STOML3: variants seen among roughly 807,000 people sequenced by gnomAD.
The protein encoded by STOML3 is stomatin like 3.
STOML3 carries 31 observed loss-of-function variants against 29.5 expected under a neutral mutation model. That is an observed-to-expected ratio of 1.05 (90% CI 0.79 to 1.42). The LOEUF is 1.42. Ranked by LOEUF, STOML3 falls within the 40% of genes most tolerant of loss-of-function variation. The pLI is 0.00. For synonymous variants in STOML3, 122 were observed against 139.8 expected, an observed-to-expected ratio of 0.87 and a Z score of 0.90; for missense variants, 380 against 363.0, an observed-to-expected ratio of 1.05 and a Z score of -0.38.
At position 38,966,786 on chromosome 13, in the gene STOML3, A is replaced by T. The variant is rs772932289; in HGVS notation, c.*39T>A. On this transcript the variant is annotated 3_prime_UTR_variant, in exon 7 of 7. Transcript: ENST00000379631. ...TACTGGCTTCTCCATAGGAATAGAC[A>T]CCACTCTCTATGCAATAGCTGACTA... 6.4e-7 allele frequency: 1 copy of T among 1,550,554 alleles called. No homozygotes were observed. Among genetic ancestry groups the T allele is most frequent in the South Asian group, 1.1e-5 (1 of 89,414 alleles).
chr13:38,988,166 T>A (rs1164846369), intron 1 of STOML3, among the ~76,000 whole-genome samples: 1 of 92,552 alleles, frequency 1.1e-5, no homozygotes, highest in Non-Finnish European at 1.8e-5. Context: ...ATTTTATATA[T>A]AATATATTAT....
chr13:38,966,804 G>T lies in STOML3; in HGVS notation c.*21C>A, dbSNP rs1411685840. The T allele has an allele frequency of 6.2e-7, 1 of 1,601,908 alleles. No homozygotes were observed. ...AATAGACACCACTCTCTATGCAATA[G>T]CTGACTACCGCAAGAGGACCTCAGG... is the stretch of plus-strand genomic sequence containing the variant. On this transcript the variant is annotated 3_prime_UTR_variant, in exon 7 of 7. Transcript: ENST00000379631.
At chr13:38,978,670 A>G (rs1043689082) in intron 1 of STOML3, among the ~76,000 whole-genome samples, 5 of 152,194 alleles carry the variant, frequency 3.3e-5, no homozygotes, top group African/African-American at 4.8e-5. Flanking sequence ...TAGGCAGGTC[A>G]TCATTGCCTC....
chr13:38,967,101 A>T, intron 6 of STOML3, 52 bp from the exon 7 acceptor site: 1 of 1,529,382 alleles, frequency 6.5e-7, no homozygotes, highest in Non-Finnish European at 8.9e-7. Context: ...CACTATAACT[A>T]GTTCTTTCTT....
chr13:38,975,393 G>T (rs577756857), intron 3 of STOML3, among the ~76,000 whole-genome samples: 7 of 151,852 alleles, frequency 4.6e-5, no homozygotes, highest in Admixed American at 1.3e-4. Context: ...TCCTCTTGAA[G>T]TTTCCCATAA....
intron 1 of STOML3, among the ~76,000 whole-genome samples, chr13:38,982,308 T>C (rs1341716965): frequency 2.6e-5 from 4 of 152,060 alleles, no homozygotes; most frequent in Non-Finnish European, 5.9e-5. Flanking sequence ...AAATTCTTTT[T>C]TCTTTGTTTT....
rs1880659247 is a variant in STOML3 at position 38,966,731 on chromosome 13, AAC to A, written c.*92_*93del. ...CCATCTATGGAGTTACTGTTACATGAACAGTGTTGGAATTCTCACCGTTTCTA... is the reference window on the plus strand; with the variant it reads ...CCATCTATGGAGTTACTGTTACATGAAGTGTTGGAATTCTCACCGTTTCTA... On this transcript the variant is annotated 3_prime_UTR_variant, in exon 7 of 7. Coordinates refer to ENST00000379631, the MANE Select transcript of STOML3 (RefSeq NM_145286.3). 5.8e-6 allele frequency: 6 copies of A among 1,027,100 alleles called. No individual in the cohort carries two copies. The highest frequency in any genetic ancestry group is 8.9e-6 in the Non-Finnish European group (6 of 673,124). The allele number at this position is 1,027,100 out of a possible 1,614,324, so 63.6% of individuals were successfully genotyped here.
chr13:38,980,507 T>C (rs529769886), intron 1 of STOML3, among the ~76,000 whole-genome samples: 18 of 152,322 alleles, frequency 1.2e-4, no homozygotes, highest in African/African-American at 4.1e-4. Context: ...ATCGCCCTAC[T>C]TCAAGCTATA....
At chr13:38,979,082 T>C (rs1881187788) in intron 1 of STOML3, among the ~76,000 whole-genome samples, 1 of 152,214 alleles carries the variant, frequency 6.6e-6, no homozygotes, top group Admixed American at 6.5e-5. Flanking sequence ...ATACATATTT[T>C]GTATTAAAAC....
intron 1 of STOML3, among the ~76,000 whole-genome samples, chr13:38,982,673 G>A (rs1156295572): frequency 6.6e-6 from 1 of 152,088 alleles, no homozygotes; most frequent in Non-Finnish European, 1.5e-5. Flanking sequence ...TGGGTACTGG[G>A]TCACAAAAAC....
At chr13:38,990,162 A>G (rs1868944514) in intron 1 of STOML3, among the ~76,000 whole-genome samples, 1 of 152,164 alleles carries the variant, frequency 6.6e-6, no homozygotes, top group African/African-American at 2.4e-5. Context: ...ACTTCTCTCC[A>G]TTTATCAAAC....
At chr13:38,986,485 G>T (rs144430491) in intron 1 of STOML3, among the ~76,000 whole-genome samples, 2 of 152,138 alleles carry the variant, frequency 1.3e-5, no homozygotes, top group East Asian at 3.8e-4. Context: ...CCTTTCCTGA[G>T]CTTGGGGATG....
At chr13:38,967,408 A>G (rs1458247139) in intron 6 of STOML3, among the ~76,000 whole-genome samples, 1 of 152,220 alleles carries the variant, frequency 6.6e-6, no homozygotes, top group African/African-American at 2.4e-5. Flanking sequence ...TCTGAAATTT[A>G]AGGCCTCTAA....
chr13:38,988,110 ATATATTTTATATAT>A (rs1281543534), intron 1 of STOML3, among the ~76,000 whole-genome samples: 3 of 99,494 alleles, frequency 3.0e-5, no homozygotes, highest in Non-Finnish European at 5.2e-5. Context: ...ATTTTATATC[ATATATTTTATATAT>A]TATATTTTAT....
Position 38,966,756 on chromosome 13 carries a change from C to A in STOML3, c.*69G>T. The stretch of plus-strand genomic sequence containing the variant: ...AACAGTGTTGGAATTCTCACCGTTT[C>A]TAACTACTGGCTTCTCCATAGGAAT... On this transcript the variant is annotated 3_prime_UTR_variant, in exon 7 of 7. Coordinates refer to ENST00000379631, the MANE Select transcript of STOML3 (RefSeq NM_145286.3). The A allele has an allele frequency of 7.6e-7, 1 of 1,315,984 alleles. No individual in the cohort carries two copies. The highest frequency in any genetic ancestry group is 1.3e-5 in the South Asian group (1 of 79,892). 81.5% of individuals were successfully genotyped at this position (1,315,984 alleles called of 1,614,324 possible). A position where few individuals can be genotyped will look rare whatever the true frequency, so the allele number is the denominator to read the frequency against.
At chr13:38,971,412 C>T (rs1456388886) in intron 4 of STOML3, among the ~76,000 whole-genome samples, 1 of 152,132 alleles carries the variant, frequency 6.6e-6, no homozygotes, top group Non-Finnish European at 1.5e-5. Context: ...GTTGAGTTTC[C>T]TGAACCAGAC....
At chr13:38,975,914 C>A (rs1306672240) in intron 3 of STOML3, among the ~76,000 whole-genome samples, 2 of 152,054 alleles carry the variant, frequency 1.3e-5, no homozygotes, top group Non-Finnish European at 2.9e-5. Flanking sequence ...AAACACTATA[C>A]TATACTAGAT....
chr13:38,973,157 C>T (rs1257840244), intron 3 of STOML3, among the ~76,000 whole-genome samples: 1 of 147,940 alleles, frequency 6.8e-6, no homozygotes, highest in East Asian at 2.0e-4. Flanking sequence ...TCACACATGC[C>T]TGTAATCCCA....
At chr13:38,976,372 C>T (rs981252747) in intron 3 of STOML3, among the ~76,000 whole-genome samples, 168 bp downstream of exon 3, 3 of 152,194 alleles carry the variant, frequency 2.0e-5, no homozygotes, top group African/African-American at 4.8e-5. Flanking sequence ...TTCCCACTGA[C>T]TTGCATTAAA....
Sources: gnomAD v4.1 joint callset for allele counts (sites outside exome capture counted in the v4.1 genomes callset) on GRCh38, gnomAD v4.1.1 for gene constraint, MANE v1.5 for transcripts, NCBI Gene and HGNC (gene_info 2026-07-23, HGNC 2026-07-21) for gene names.